DCC: variants seen among roughly 807,000 people sequenced by gnomAD.
The protein encoded by DCC is netrin receptor DCC.
In DCC, 58 loss-of-function variants were observed where a neutral mutation model predicts 172.5. The observed-to-expected ratio is 0.34, with a 90% CI of 0.27 to 0.42. The LOEUF is 0.42. Among genes scored for constraint, DCC ranks in the 10% least tolerant of loss-of-function variants. DCC has a pLI of 1.00. For missense variants in DCC, 1,740 were observed against 1,791.0 expected (o/e 0.97, Z 0.51); for synonymous variants, 709 against 644.5 (o/e 1.10, Z -1.52).
chr18:53,467,961 C>T lies in DCC; in HGVS notation c.3687C>T (p.Ala1229=), dbSNP rs766698835. Residue 1229 remains alanine, a synonymous_variant, in exon 25 of 29, where the codon GCC becomes GCT. Coordinates refer to ENST00000442544, the MANE Select transcript of DCC (RefSeq NM_005215.4). ...TLERSLAARR[A]PRAKLMIPMD... ...AGAGGTCGCTGGCTGCACGCCGAGC[C>T]CCCCGGGCCAAGCTCATGATTCCCA... 6.2e-7 allele frequency: 1 copy of T among 1,612,892 alleles called. No individual in the cohort carries two copies. Among genetic ancestry groups the T allele is most frequent in the Non-Finnish European group, 8.5e-7 (1 of 1,178,988 alleles).
chr18:53,432,062 TAA>T (rs1318109100), intron 21 of DCC, among the ~76,000 whole-genome samples: 2 of 152,272 alleles, frequency 1.3e-5, no homozygotes, highest in African/African-American at 2.4e-5. Flanking sequence ...ATGAAACATA[TAA>T]AGTTATGTGA....
At chr18:52,384,907 G>C (rs2144332689) in intron 1 of DCC, among the ~76,000 whole-genome samples, 1 of 152,216 alleles carries the variant, frequency 6.6e-6, no homozygotes, top group African/African-American at 2.4e-5. Context: ...AATGAAAAGA[G>C]AGATATAAGC....
At chr18:53,500,531 G>A (rs1039016518) in intron 27 of DCC, among the ~76,000 whole-genome samples, 8 of 151,582 alleles carry the variant, frequency 5.3e-5, no homozygotes, top group African/African-American at 1.9e-4. Context: ...CATAATGACT[G>A]TAAAAGCTAG....
chr18:53,060,478 G>C (rs1404607779), intron 5 of DCC, among the ~76,000 whole-genome samples: 1 of 152,144 alleles, frequency 6.6e-6, no homozygotes, highest in Admixed American at 6.5e-5. Context: ...AGCCAGAGAA[G>C]ACAAGGTGTC....
intron 5 of DCC, among the ~76,000 whole-genome samples, chr18:52,939,386 TCA>T (rs149438567): frequency 0.061 from 9,218 of 152,314 alleles, 367 homozygotes; most frequent in South Asian, 0.15. Context: ...GTATAACTTA[TCA>T]CAGTCTGTTA....
At chr18:53,507,603 A>C (rs906305407) in intron 27 of DCC, among the ~76,000 whole-genome samples, 3 of 152,130 alleles carry the variant, frequency 2.0e-5, no homozygotes, top group African/African-American at 7.2e-5. Context: ...CTTAGAGGAG[A>C]ATGCCTTTAT....
chr18:53,432,504 C>T (rs972332629), intron 21 of DCC, among the ~76,000 whole-genome samples: 12 of 152,110 alleles, frequency 7.9e-5, no homozygotes, highest in Admixed American at 2.6e-4. Context: ...GACTTTCACT[C>T]CAGCTGTTTT....
chr18:53,153,264 A>G (rs1210789179), intron 7 of DCC, among the ~76,000 whole-genome samples: 1 of 152,228 alleles, frequency 6.6e-6, no homozygotes, highest in Admixed American at 6.5e-5. Flanking sequence ...ATTTTTTAAT[A>G]ACTGGTAAGT....
chr18:52,854,272 T>A (rs548048969), intron 2 of DCC, among the ~76,000 whole-genome samples: 142 of 152,340 alleles, frequency 9.3e-4, no homozygotes, highest in African/African-American at 1.4e-3. Context: ...CCATTTATTT[T>A]TTTTTATTCA....
At chr18:53,498,056 T>C (rs1470316066) in intron 26 of DCC, among the ~76,000 whole-genome samples, 1 of 152,220 alleles carries the variant, frequency 6.6e-6, no homozygotes, top group Non-Finnish European at 1.5e-5. Flanking sequence ...TGGAGGCTGC[T>C]CAATGACCCA....
chr18:52,969,032 C>T (rs1011527585), intron 5 of DCC, among the ~76,000 whole-genome samples: 1 of 152,038 alleles, frequency 6.6e-6, no homozygotes, highest in African/African-American at 2.4e-5. Context: ...AAAAACGGTT[C>T]TCCTGGTCTC....
At chr18:52,956,405 C>G (rs1208645762) in intron 5 of DCC, among the ~76,000 whole-genome samples, 2 of 151,970 alleles carry the variant, frequency 1.3e-5, no homozygotes, top group African/African-American at 4.8e-5. Flanking sequence ...CTTTCTATTT[C>G]TGAGCTCTCT....
intron 12 of DCC, among the ~76,000 whole-genome samples, chr18:53,293,013 A>T (rs992244531): frequency 6.6e-6 from 1 of 152,210 alleles, no homozygotes; most frequent in African/African-American, 2.4e-5. Flanking sequence ...GACATGGGAA[A>T]ACTAAAATAA....
chr18:52,383,985 C>T (rs1333270254), intron 1 of DCC, among the ~76,000 whole-genome samples: 1 of 151,938 alleles, frequency 6.6e-6, no homozygotes, highest in Non-Finnish European at 1.5e-5. Flanking sequence ...CTTAAAATTC[C>T]CCTATCACAA....
Position 53,507,760 on chromosome 18 carries a change from A to G in DCC, c.4111+8250A>G, listed in dbSNP as rs572747514. ...AATAATGGCACTTATAGTGACTGCTATTTTTAATGTCTTTTTCAAAGTGCT... is the reference window on the plus strand; with the variant it reads ...AATAATGGCACTTATAGTGACTGCTGTTTTTAATGTCTTTTTCAAAGTGCT... On this transcript the variant is annotated intron_variant, in intron 27 of 28. Transcript: ENST00000442544. Among the ~76,000 whole-genome samples the G allele has an allele frequency of 2.0e-5, 3 of 152,208 alleles. No homozygotes were observed. In the South Asian group the frequency reaches 6.2e-4, roughly 32 times the overall value.
At chr18:53,517,568 G>C (rs186081607) in intron 27 of DCC, among the ~76,000 whole-genome samples, 1 of 151,904 alleles carries the variant, frequency 6.6e-6, no homozygotes, top group Non-Finnish European at 1.5e-5. Flanking sequence ...TAACCCTCTC[G>C]TCTCATTTTT....
chr18:52,611,868 G>A (rs1469197213), intron 1 of DCC, among the ~76,000 whole-genome samples: 1 of 152,068 alleles, frequency 6.6e-6, no homozygotes, highest in Non-Finnish European at 1.5e-5. Context: ...TGTGCTGTGG[G>A]GTAGTATGGG....
chr18:53,268,972 T>A (rs1401875840), intron 12 of DCC, among the ~76,000 whole-genome samples: 2 of 151,908 alleles, frequency 1.3e-5, no homozygotes, highest in Non-Finnish European at 2.9e-5. Context: ...TAGAAATGTG[T>A]TTTTAGAGGA....
chr18:53,115,272 T>C (rs1440696639), intron 7 of DCC, among the ~76,000 whole-genome samples: 2 of 151,590 alleles, frequency 1.3e-5, no homozygotes, highest in Non-Finnish European at 3.0e-5. Flanking sequence ...GAATTAGCAT[T>C]ACAAGAAATA....
Sources: gnomAD v4.1 joint callset for allele counts (sites outside exome capture counted in the v4.1 genomes callset) on GRCh38, gnomAD v4.1.1 for gene constraint, MANE v1.5 for transcripts, NCBI Gene and HGNC (gene_info 2026-07-23, HGNC 2026-07-21) for gene names.